The following MSL3 variants were observed in gnomAD, a reference collection of about 807,000 sequenced individuals.
MSL3 encodes the protein MSL complex subunit 3, also known as MSL3-like 1.
Under a neutral mutation model 37.2 loss-of-function variants are expected in MSL3, and 5 were observed. The ratio of observed to expected loss-of-function variants is 0.13; its 90% CI spans 0.07 to 0.28. The LOEUF (loss-of-function observed/expected upper bound fraction) is 0.28. Ranked by LOEUF, MSL3 falls within the 10% of genes least tolerant of loss-of-function variation. The probability of loss-of-function intolerance (pLI) is 1.00; values close to 1 mark genes in which losing one functional copy is unlikely to be tolerated. For missense variants in MSL3, 315 were observed against 408.5 expected (o/e 0.77, Z 1.97); for synonymous variants, 149 against 147.6 (o/e 1.01, Z -0.07).
intron 2 of MSL3, chrX:11,760,165 A>G (rs766807176): frequency 7.2e-5 from 27 of 372,986 alleles, no homozygotes; most frequent in Non-Finnish European, 1.2e-4. Flanking sequence ...ATTGTGACGA[A>G]TAGTTACTTT....
chrX:11,765,374 C>T, intron 8 of MSL3, 93 bp from the exon 9 acceptor site: 1 of 1,059,377 alleles, frequency 9.4e-7, no homozygotes, highest in African/African-American at 1.9e-5. Context: ...TTACGACCCT[C>T]CTGGAGTAGA....
At chrX:11,758,432 G>A in intron 1 of MSL3, 67 bp downstream of exon 1, 1 of 947,896 alleles carries the variant, frequency 1.1e-6, no homozygotes, top group Non-Finnish European at 1.4e-6. Context: ...CGGGGGCGGG[G>A]GCGGACGGCC....
At chrX:11,772,830 TG>T in intron 12 of MSL3, 125 bp downstream of exon 12, 1 of 399,226 alleles carries the variant, frequency 2.5e-6, no homozygotes, top group South Asian at 5.4e-5. Context: ...TACCTAAGCA[TG>T]GTTGGTTCTA....
Position 11,758,308 on chromosome X carries a change from GA to G in MSL3, c.48del (p.Val17CysfsTer37). 1 of 1,135,049 alleles carries G rather than the reference GA, an allele frequency of 8.8e-7. No homozygotes were observed. Among genetic ancestry groups the G allele is most frequent in the East Asian group, 3.7e-5 (1 of 26,702 alleles). 93.5% of individuals were successfully genotyped at this position (1,135,049 alleles called of 1,213,427 possible). ...TGAAATTTAAATTCCACTCAGGGGA[GA>G]AAGTGCTGTGCTTCGAGCCTGACCC... ...GMKFKFHSGE[K>X]VLCFEPDPTK... On this transcript the variant is annotated frameshift_variant, in exon 1 of 13. Transcript: ENST00000312196. LOFTEE classifies it high-confidence loss of function.
In MSL3 at chrX:11,763,883, G is replaced by A. The variant is rs767711177; in HGVS notation, c.853G>A (p.Val285Met). Residue 285 changes from valine to methionine, a missense_variant, in exon 8 of 13, where the codon GTG becomes ATG. Physicochemically the swap from Val to Met is conservative, Grantham distance 21. Coordinates refer to ENST00000312196, the MANE Select transcript of MSL3 (RefSeq NM_078629.4). Reference protein sequence around the residue: ...YPYEQAQYKKVTSSKFFLPIK... With the variant: ...YPYEQAQYKKMTSSKFFLPIK... ...ATATGAACAAGCTCAGTATAAAAAG[G>A]TGACTTCGTCTAAATTTTTTCTTCC... The A allele has an allele frequency of 9.9e-6, 12 of 1,209,521 alleles. No individual in the cohort carries two copies. In the East Asian group the frequency reaches 3.3e-4, roughly 33 times the overall value.
At chrX:11,763,197 C>T (rs2053148565) in intron 7 of MSL3, among the ~76,000 whole-genome samples, 200 bp downstream of exon 7, 1 of 113,081 alleles carries the variant, frequency 8.8e-6, no homozygotes, top group Non-Finnish European at 1.9e-5. Context: ...TAACTATTTA[C>T]ACATCTTACA....
At chrX:11,758,216 C>G, upstream of MSL3, 1 of 554,735 alleles carries the variant, frequency 1.8e-6, no homozygotes, top group Non-Finnish European at 2.5e-6. Flanking sequence ...TCCCCCACCG[C>G]GCGCGCTCCG....
chrX:11,774,332 ATT>A (rs2053255902), intron 12 of MSL3, among the ~76,000 whole-genome samples: 1 of 111,039 alleles, frequency 9.0e-6, no homozygotes, highest in Non-Finnish European at 1.9e-5. Context: ...TTATTTATTT[ATT>A]TTTGAGACGG....
Position 11,767,173 on chromosome X carries a change from C to T in MSL3, c.1172-1400C>T, listed in dbSNP as rs184737088. ...AGTGTTGGTGGCATAGTTCCAGGTGCGTGAAAGTATTTGCTGATTCTTTGA... is the reference window on the plus strand; with the variant it reads ...AGTGTTGGTGGCATAGTTCCAGGTGTGTGAAAGTATTTGCTGATTCTTTGA... On this transcript the variant is annotated intron_variant, in intron 9 of 12. Coordinates refer to ENST00000312196, the MANE Select transcript of MSL3 (RefSeq NM_078629.4). 2.1e-4 allele frequency: 160 copies of T among 752,519 alleles called. No individual in the cohort carries two copies. In the South Asian group the frequency reaches 5.1e-3, roughly 24 times the overall value. 62.0% of individuals were successfully genotyped at this position (752,519 alleles called of 1,213,427 possible). A position where few individuals can be genotyped will look rare whatever the true frequency, so the allele number is the denominator to read the frequency against.
chrX:11,772,809 A>G, intron 12 of MSL3, 104 bp downstream of exon 12: 1 of 449,530 alleles, frequency 2.2e-6, no homozygotes, highest in African/African-American at 2.5e-5. Context: ...TATTTTAAAT[A>G]GTAGAAGTAT....
chrX:11,772,590 G>T (rs1245907150), intron 11 of MSL3, 31 bp from the exon 12 acceptor site: 1 of 1,036,029 alleles, frequency 9.7e-7, no homozygotes, highest in Non-Finnish European at 1.4e-6. Context: ...TCTGCTAATT[G>T]TAAATGGTTT....
chrX:11,772,579 T>G lies in MSL3; in HGVS notation c.1382-42T>G, dbSNP rs760867078. 5 of 954,647 alleles carry G rather than the reference T, an allele frequency of 5.2e-6. No individual in the cohort carries two copies. In the Admixed American group the frequency reaches 1.1e-4, roughly 22 times the overall value. The allele number at this position is 954,647 out of a possible 1,213,427, so 78.7% of individuals were successfully genotyped here. ...TGAGTGAATCCTATGCATTGTCAGATTCTGCTAATTGTAAATGGTTTTGCC... is the reference window on the plus strand; with the variant it reads ...TGAGTGAATCCTATGCATTGTCAGAGTCTGCTAATTGTAAATGGTTTTGCC... On this transcript the variant is annotated intron_variant, in intron 11 of 12. Transcript: ENST00000312196.
chrX:11,759,914 C>T, intron 2 of MSL3, 39 bp downstream of exon 2: 1 of 1,191,897 alleles, frequency 8.4e-7, no homozygotes, highest in Non-Finnish European at 1.1e-6. Flanking sequence ...AATTGATTGT[C>T]TTTGCTGCAT....
chrX:11,760,907 A>C lies in MSL3; in HGVS notation c.352A>C (p.Thr118Pro), dbSNP rs2147243185. 4 of 1,197,605 alleles carry C rather than the reference A, an allele frequency of 3.3e-6. No individual in the cohort carries two copies. The East Asian group carries it at 1.2e-4, about 36-fold the overall frequency. The change falls in exon 4 of 13, where the codon ACT becomes CCT. Residue 118 changes from threonine to proline, a missense_variant. Coordinates refer to ENST00000312196, the MANE Select transcript of MSL3 (RefSeq NM_078629.4). ...GVDSVLKGLPTEEKDENDENS... is the reference protein window; with the variant it reads ...GVDSVLKGLPPEEKDENDENS... ...GGACTCTGTCTTAAAAGGCCTCCCC[A>C]CTGAAGAAAAAGATGAAAATGATGA...
Sources: allele counts gnomAD v4.1 joint callset (sites outside exome capture counted in the v4.1 genomes callset), GRCh38; gene constraint gnomAD v4.1.1; transcripts MANE v1.5; gene names NCBI Gene and HGNC (gene_info 2026-07-23, HGNC 2026-07-21).